P3H2: variants seen among roughly 807,000 people sequenced by gnomAD.
P3H2 encodes leprecan-like 1.
P3H2 carries 80 observed loss-of-function variants against 87.0 expected under a neutral mutation model. The observed-to-expected ratio is 0.92, with a 90% CI of 0.77 to 1.11. The LOEUF (loss-of-function observed/expected upper bound fraction) is 1.11, where lower values mean the gene tolerates loss of function less well. Among genes scored for constraint, P3H2 ranks in the 50% least tolerant of loss-of-function variants. The pLI is 0.00. For missense variants in P3H2, 1,001 were observed against 923.9 expected, an observed-to-expected ratio of 1.08 and a Z score of -1.08; for synonymous variants, 367 against 359.3, an observed-to-expected ratio of 1.02 and a Z score of -0.24.
At chr3:190,072,649 T>C (rs558669806) in intron 1 of P3H2, among the ~76,000 whole-genome samples, 3 of 152,310 alleles carry the variant, frequency 2.0e-5, no homozygotes, top group East Asian at 3.9e-4. Context: ...ATTTATTAAA[T>C]AGATGCCAAT....
Position 189,989,004 on chromosome 3 carries a change from T to C in P3H2, c.858A>G (p.Glu286=). ...HYMQVLVCQH[E]CVRELATRPG... ...GGCGGGTGGCAAGTTCCCTCACACA[T>C]TCATGCTGACAAACAAGCACCTGCA... Residue 286 remains glutamate, a synonymous_variant, in exon 4 of 15, where the codon GAA becomes GAG. Transcript: ENST00000319332. The C allele has an allele frequency of 6.2e-7, 1 of 1,614,054 alleles. No homozygotes were observed. Among genetic ancestry groups the C allele is most frequent in the Non-Finnish European group, 8.5e-7 (1 of 1,180,012 alleles).
chr3:190,080,769 A>T (rs1288763496), intron 1 of P3H2, among the ~76,000 whole-genome samples: 1 of 152,168 alleles, frequency 6.6e-6, no homozygotes, highest in Admixed American at 6.5e-5. Context: ...CAAACCATAA[A>T]AACATAACAA....
rs1722646649 is a variant in P3H2, at chr3:189,956,885, A to G, written c.*1027T>C. 1 of 388,260 alleles carries G rather than the reference A, an allele frequency of 2.6e-6. No homozygotes were observed. Among genetic ancestry groups the G allele is most frequent in the Non-Finnish European group, 4.5e-6 (1 of 220,282 alleles). The allele number at this position is 388,260 out of a possible 1,614,324, so 24.1% of individuals were successfully genotyped here. A position where few individuals can be genotyped will look rare whatever the true frequency, so the allele number is the denominator to read the frequency against. On this transcript the variant is annotated 3_prime_UTR_variant, in exon 15 of 15. Transcript: ENST00000319332. ...ATGTAAGTACAAAACACCTCTTTTC[A>G]TCAGTGGACCCCACTCCTAGGCAAC...
At chr3:190,049,526 C>T (rs766055757) in intron 1 of P3H2, among the ~76,000 whole-genome samples, 1 of 152,182 alleles carries the variant, frequency 6.6e-6, no homozygotes, top group African/African-American at 2.4e-5. Flanking sequence ...ATTTCGCTTT[C>T]ATGACATCTC....
intron 1 of P3H2, among the ~76,000 whole-genome samples, chr3:190,076,523 T>A (rs939870445): frequency 3.9e-5 from 6 of 152,208 alleles, no homozygotes; most frequent in African/African-American, 1.4e-4. Context: ...CATATCCACC[T>A]CCCTAGGTCT....
intron 1 of P3H2, among the ~76,000 whole-genome samples, chr3:190,073,024 T>C (rs1726755989): frequency 6.6e-6 from 1 of 152,242 alleles, no homozygotes; most frequent in Non-Finnish European, 1.5e-5. Flanking sequence ...TTTAACTGCA[T>C]TCATATCACT....
At chr3:190,104,627 A>G (rs1448796274) in intron 1 of P3H2, among the ~76,000 whole-genome samples, 1 of 152,218 alleles carries the variant, frequency 6.6e-6, no homozygotes, top group Non-Finnish European at 1.5e-5. Flanking sequence ...TCTATAAATG[A>G]AATTGCTTTT....
Position 189,957,441 on chromosome 3 carries a change from TTG to T in P3H2, c.*469_*470del, listed in dbSNP as rs3062107. The T allele has an allele frequency of 0.016, 4,031 of 257,944 alleles. 41 individuals are homozygous for T. The highest frequency in any genetic ancestry group is 0.04 in the African/African-American group (1,708 of 42,558). The allele number at this position is 257,944 out of a possible 1,614,324, so 16.0% of individuals were successfully genotyped here. ...AGCTTTTGAATTTGCAGCAACTTAA[TTG>T]TGTGTGTGTGTGTGTGTGTGTGTGT... is the stretch of plus-strand genomic sequence containing the variant. On this transcript the variant is annotated 3_prime_UTR_variant, in exon 15 of 15. Transcript: ENST00000319332.
intron 1 of P3H2, among the ~76,000 whole-genome samples, chr3:189,999,267 T>G (rs562852214): frequency 1.2e-4 from 19 of 152,170 alleles, no homozygotes; most frequent in Non-Finnish European, 2.2e-4. Context: ...TAGTCCAGAA[T>G]TGAAGATACT....
chr3:190,002,068 C>G (rs1303232338), intron 1 of P3H2, among the ~76,000 whole-genome samples: 1 of 152,012 alleles, frequency 6.6e-6, no homozygotes, highest in African/African-American at 2.4e-5. Flanking sequence ...TAGGACATTC[C>G]TAAACATTTC....
At chr3:189,979,038 C>T (rs1295232965) in intron 8 of P3H2, among the ~76,000 whole-genome samples, 3 of 152,138 alleles carry the variant, frequency 2.0e-5, no homozygotes, top group Non-Finnish European at 2.9e-5. Context: ...CAAGAAGAAT[C>T]ACTTTATCAG....
At chr3:189,994,394 G>T in intron 2 of P3H2, 111 bp from the exon 3 acceptor site, 1 of 838,522 alleles carries the variant, frequency 1.2e-6, no homozygotes, top group Non-Finnish European at 1.9e-6. Context: ...CTAGGTAGAT[G>T]GGGTACTGGA....
In P3H2 at chr3:190,108,361, C is replaced by T. The variant is rs537268462; in HGVS notation, c.480+11891G>A. Among the ~76,000 whole-genome samples the T allele has an allele frequency of 1.1e-4, 17 of 152,226 alleles. 2 individuals are homozygous for T. Among genetic ancestry groups the T allele is most frequent in the Admixed American group, 1.0e-3 (16 of 15,296 alleles). On this transcript the variant is annotated intron_variant, in intron 1 of 14. Coordinates refer to ENST00000319332, the MANE Select transcript of P3H2 (RefSeq NM_018192.4). ...TTTACCTGTTATATCAGTAGTAACACATTCCACTCCCCTCCAAGCAGTGAT... is the reference window on the plus strand; with the variant it reads ...TTTACCTGTTATATCAGTAGTAACATATTCCACTCCCCTCCAAGCAGTGAT...
intron 1 of P3H2, among the ~76,000 whole-genome samples, chr3:190,084,599 A>C (rs1245278816): frequency 6.6e-6 from 1 of 151,102 alleles, no homozygotes. Context: ...TTACTCTGGC[A>C]AGTGGTTTTT....
At chr3:189,963,507 C>T (rs921024041) in intron 14 of P3H2, 13 of 182,964 alleles carry the variant, frequency 7.1e-5, no homozygotes, top group African/African-American at 2.8e-4. Context: ...TGCAGTGGTG[C>T]GATCTCGGCT....
rs375243549 is a variant in P3H2 at position 190,118,653 on chromosome 3, T to C, written c.480+1599A>G. On this transcript the variant is annotated intron_variant, in intron 1 of 14. Transcript: ENST00000319332. ...CACCTTAGCCACAACACAAGGAAGT[T>C]AAGATTTATACTTAGTTGAAATTTC... 9.2e-5 allele frequency among the ~76,000 whole-genome samples: 14 copies of C among 152,118 alleles called. No homozygotes were observed. In the East Asian group the frequency reaches 2.3e-3, roughly 25 times the overall value.
Position 189,995,389 on chromosome 3 carries a change from G to T in P3H2, c.534C>A (p.Asn178Lys), listed in dbSNP as rs772061741. 3 of 1,613,936 alleles carry T rather than the reference G, an allele frequency of 1.9e-6. No homozygotes were observed. The East Asian group carries it at 6.7e-5, about 36-fold the overall frequency. Residue 178 changes from asparagine (N) to lysine (K), a missense_variant, in exon 2 of 15, where the codon AAC (asparagine) becomes AAA (lysine). Transcript: ENST00000319332. ...TCTGCTGCATTTCCATGTGCTCAGGGTTAGCCACGAAAAATGTGTGAGCTG... is the reference window on the plus strand; with the variant it reads ...TCTGCTGCATTTCCATGTGCTCAGGTTTAGCCACGAAAAATGTGTGAGCTG... Reference protein sequence around the residue: ...VEAAHTFFVANPEHMEMQQNI... With the variant: ...VEAAHTFFVAKPEHMEMQQNI...
chr3:190,092,146 T>C (rs944798056), intron 1 of P3H2, among the ~76,000 whole-genome samples: 1 of 150,954 alleles, frequency 6.6e-6, no homozygotes, highest in African/African-American at 2.4e-5. Flanking sequence ...GGTAGGAGAA[T>C]GGCTTGATCC....
intron 1 of P3H2, among the ~76,000 whole-genome samples, chr3:190,024,038 TATA>T (rs1704090359): frequency 6.6e-6 from 1 of 152,162 alleles, no homozygotes; most frequent in South Asian, 2.1e-4. Flanking sequence ...GAGGATATAC[TATA>T]ATATTAAATA....
Sources: gnomAD v4.1 joint callset for allele counts (sites outside exome capture counted in the v4.1 genomes callset) on GRCh38, gnomAD v4.1.1 for gene constraint, MANE v1.5 for transcripts, NCBI Gene and HGNC (gene_info 2026-07-23, HGNC 2026-07-21) for gene names.